TDRD9: variants seen among roughly 807,000 people sequenced by gnomAD.
TDRD9 encodes the protein tudor domain containing 9.
A neutral mutation model predicts 172.6 loss-of-function variants in TDRD9; 124 were observed. The observed-to-expected ratio is 0.72, with a 90% confidence interval of 0.62 to 0.83. The LOEUF (loss-of-function observed/expected upper bound fraction) is 0.83, where lower values mean the gene tolerates loss of function less well. Ranked by LOEUF, TDRD9 falls within the 40% of genes least tolerant of loss-of-function variation. The pLI, the probability that TDRD9 is intolerant of heterozygous loss-of-function variation, is 0.00. For missense variants in TDRD9, 1,479 were observed against 1,714.1 expected, an observed-to-expected ratio of 0.86 and a Z score of 2.42; for synonymous variants, 619 against 617.1, an observed-to-expected ratio of 1.00 and a Z score of -0.05.
At chr14:103,971,444 A>G (rs576852277) in intron 6 of TDRD9, among the ~76,000 whole-genome samples, 6 of 152,020 alleles carry the variant, frequency 3.9e-5, no homozygotes, top group Non-Finnish European at 7.4e-5. Flanking sequence ...AGCTGGGACT[A>G]CAGGCACCCA....
intron 13 of TDRD9, among the ~76,000 whole-genome samples, chr14:104,001,751 G>A (rs1403147796): frequency 2.0e-5 from 3 of 152,118 alleles, no homozygotes; most frequent in African/African-American, 7.2e-5. Context: ...TGGGACTACA[G>A]GCATGCCCCA....
chr14:104,017,675 G>C (rs2034834355), intron 22 of TDRD9, among the ~76,000 whole-genome samples: 1 of 152,156 alleles, frequency 6.6e-6, no homozygotes, highest in Non-Finnish European at 1.5e-5. Context: ...TGTGCTATTT[G>C]GTCTTTCCAC....
At chr14:103,948,303 C>G (rs981065787) in intron 1 of TDRD9, among the ~76,000 whole-genome samples, 1 of 151,992 alleles carries the variant, frequency 6.6e-6, no homozygotes, top group Non-Finnish European at 1.5e-5. Context: ...AGGCATGAGT[C>G]ATTGCACCCG....
At chr14:103,972,060 CGGA>C (rs1318352259) in intron 6 of TDRD9, among the ~76,000 whole-genome samples, 1 of 151,630 alleles carries the variant, frequency 6.6e-6, no homozygotes, top group African/African-American at 2.4e-5. Context: ...GGGAGGCTGA[CGGA>C]GGATTGCTTG....
At chr14:103,938,437 TATA>T (rs1241998296) in intron 1 of TDRD9, among the ~76,000 whole-genome samples, 568 of 55,984 alleles carry the variant, frequency 0.01, 22 homozygotes, top group African/African-American at 0.036. Flanking sequence ...TATATATATA[TATA>T]TTTTTTTTTT....
chr14:104,030,487 G>A lies in TDRD9; in HGVS notation c.3283-621G>A, dbSNP rs556312891. On this transcript the variant is annotated intron_variant, in intron 28 of 35. Transcript: ENST00000409874. Reference sequence around the variant, plus strand: ...GCCTGGGCGACAAGAGTGAGACTCCGTCTCAAAGCAAACGAACAAACAAAA... The same window carrying A: ...GCCTGGGCGACAAGAGTGAGACTCCATCTCAAAGCAAACGAACAAACAAAA... 5.3e-5 allele frequency among the ~76,000 whole-genome samples: 8 copies of A among 152,280 alleles called. 1 individual carries two copies. In the South Asian group the frequency reaches 1.2e-3, roughly 24 times the overall value.
intron 5 of TDRD9, among the ~76,000 whole-genome samples, chr14:103,967,222 A>G (rs753580660): frequency 5.9e-5 from 9 of 151,788 alleles, no homozygotes; most frequent in Non-Finnish European, 1.2e-4. Flanking sequence ...AAATCAAACC[A>G]TTTGGGCAAC....
chr14:104,000,794 A>G (rs1566772559), intron 13 of TDRD9, among the ~76,000 whole-genome samples: 1 of 152,214 alleles, frequency 6.6e-6, no homozygotes, highest in Non-Finnish European at 1.5e-5. Flanking sequence ...CAAAAAAAAC[A>G]AAAACCTCAA....
Position 104,026,761 on chromosome 14 carries a change from A to G in TDRD9, c.3104A>G (p.Gln1035Arg), listed in dbSNP as rs2035132845. The change falls in exon 28 of 36, where the codon CAG becomes CGG. Residue 1035 changes from glutamine (Q) to arginine (R), a missense_variant. This residue lies in a region of TDRD9 where 1,413 missense variants were observed against 1,649.1 expected (regional missense o/e 0.86). Transcript: ENST00000409874. ...AAGCACTGGAGTGACGGGGCCAGCC[A>G]GTGGTTCGCCTCTCTGGTGAGCGGC... ...CGKHWSDGAS[Q>R]WFASLVSGCT... The G allele has an allele frequency of 1.9e-6, 3 of 1,613,868 alleles. No homozygotes were observed. The highest frequency in any genetic ancestry group is 1.7e-5 in the Admixed American group (1 of 59,994).
Position 103,998,656 on chromosome 14 carries a change from T to G in TDRD9, c.1411T>G (p.Cys471Gly). The G allele has an allele frequency of 6.2e-7, 1 of 1,611,218 alleles. No homozygotes were observed. The highest frequency in any genetic ancestry group is 8.5e-7 in the Non-Finnish European group (1 of 1,177,420). Residue 471 changes from cysteine (C) to glycine (G), a missense_variant, in exon 13 of 36, where the codon TGT (cysteine) becomes GGT (glycine). This residue lies in a region of TDRD9 where 1,413 missense variants were observed against 1,649.1 expected (regional missense o/e 0.86). Transcript: ENST00000409874. The part of the protein sequence containing the change: ...IDFCLTRTLV[C>G]DEDTNYQSLR... ...TTTTTGTTTGACTAGAACTTTGGTC[T>G]GTGATGAAGATACAAATTATCAGAG...
chr14:104,007,142 T>C lies in TDRD9; in HGVS notation c.2008-18T>C. On this transcript the variant is annotated intron_variant, in intron 18 of 35. Coordinates refer to ENST00000409874, the MANE Select transcript of TDRD9 (RefSeq NM_153046.3). ...GAGCCAACACATTATTTTGAAAGTTTGGATCCTTTATTTTCAGACATGGAA... is the reference window on the plus strand; with the variant it reads ...GAGCCAACACATTATTTTGAAAGTTCGGATCCTTTATTTTCAGACATGGAA... The C allele has an allele frequency of 6.2e-7, 1 of 1,612,032 alleles. No homozygotes were observed. Among genetic ancestry groups the C allele is most frequent in the Non-Finnish European group, 8.5e-7 (1 of 1,179,196 alleles).
chr14:103,979,604 G>A (rs761746893), intron 7 of TDRD9, among the ~76,000 whole-genome samples: 3 of 152,112 alleles, frequency 2.0e-5, no homozygotes, highest in Non-Finnish European at 4.4e-5. Flanking sequence ...TGAGGCATCC[G>A]CCCCCATGTC....
At chr14:104,010,569 C>CT (rs147141939) in intron 20 of TDRD9, among the ~76,000 whole-genome samples, 3,825 of 134,798 alleles carry the variant, frequency 0.028, 155 homozygotes, top group African/African-American at 0.095. Flanking sequence ...TGTTTGTTTC[C>CT]TTTTTTTTTT....
intron 7 of TDRD9, among the ~76,000 whole-genome samples, chr14:103,976,657 G>A (rs77100916): frequency 0.025 from 3,776 of 152,278 alleles, 164 homozygotes; most frequent in Admixed American, 0.12. Flanking sequence ...TATCTCTTCA[G>A]CATATTGTTT....
chr14:104,026,542 C>T (rs1245137137), intron 27 of TDRD9, 137 bp from the exon 28 acceptor site: 18 of 1,003,632 alleles, frequency 1.8e-5, no homozygotes, highest in Non-Finnish European at 2.5e-5. Context: ...TTCTCACTAC[C>T]CCAACATTAG....
intron 12 of TDRD9, 113 bp from the exon 13 acceptor site, chr14:103,998,511 C>T (rs2152208344): frequency 2.9e-6 from 2 of 697,196 alleles, no homozygotes; most frequent in East Asian, 5.1e-5. Context: ...TCTGCCTGTT[C>T]ACTAATTCTT....
chr14:103,993,646 C>G (rs1015260134), intron 9 of TDRD9, among the ~76,000 whole-genome samples: 2 of 152,210 alleles, frequency 1.3e-5, no homozygotes, highest in Non-Finnish European at 2.9e-5. Flanking sequence ...GGCTACATCA[C>G]TCCTGTCTCT....
At chr14:104,011,912 G>C (rs933744916) in intron 20 of TDRD9, among the ~76,000 whole-genome samples, 1 of 151,902 alleles carries the variant, frequency 6.6e-6, no homozygotes, top group African/African-American at 2.4e-5. Context: ...ATCAGCAAAG[G>C]TTAAAAAAAA....
intron 34 of TDRD9, among the ~76,000 whole-genome samples, chr14:104,049,047 G>GTTTGCC (rs2035862963): frequency 6.6e-6 from 1 of 151,830 alleles, no homozygotes; most frequent in South Asian, 2.1e-4. Context: ...TCAACTTGTT[G>GTTTGCC]TTTGCCTTTG....
Sources: gnomAD v4.1 joint callset for allele counts (sites outside exome capture counted in the v4.1 genomes callset) on GRCh38, gnomAD v4.1.1 for gene constraint, gnomAD v4.1.1 regional missense constraint, MANE v1.5 for transcripts, NCBI Gene and HGNC (gene_info 2026-07-23, HGNC 2026-07-21) for gene names.